RC3H2: variants seen among roughly 807,000 people sequenced by gnomAD.
RC3H2 encodes the protein roquin-2.
RC3H2 carries 31 observed loss-of-function variants against 133.3 expected under a neutral mutation model. The observed-to-expected ratio is 0.23, with a 90% CI of 0.17 to 0.31. The LOEUF (loss-of-function observed/expected upper bound fraction) is 0.31, where lower values mean the gene tolerates loss of function less well. Among genes scored for constraint, RC3H2 ranks in the 10% least tolerant of loss-of-function variants. RC3H2 has a pLI of 1.00. For missense variants in RC3H2, 1,175 were observed against 1,437.2 expected, an observed-to-expected ratio of 0.82 and a Z score of 2.95; for synonymous variants, 517 against 502.2, an observed-to-expected ratio of 1.03 and a Z score of -0.40.
chr9:122,892,573 G>A (rs1054580206), intron 3 of RC3H2, among the ~76,000 whole-genome samples: 3 of 152,008 alleles, frequency 2.0e-5, no homozygotes, highest in Non-Finnish European at 4.4e-5. Context: ...CAAGACGCCC[G>A]GCTAATTTTT....
rs1831529892 is a variant in RC3H2 at position 122,879,879 on chromosome 9, A to G, written c.1094-6T>C. The G allele has an allele frequency of 3.1e-6, 5 of 1,613,688 alleles. No homozygotes were observed. The highest frequency in any genetic ancestry group is 1.3e-5 in the African/African-American group (1 of 75,056). ...CCAAGTTGGTGAAACAGCGTCTAAA[A>G]TAAGCCACCAAGGGCATGGGGGTTG... On this transcript the variant is annotated splice_region_variant and splice_polypyrimidine_tract_variant and intron_variant, in intron 7 of 20. Coordinates refer to ENST00000357244, the MANE Select transcript of RC3H2 (RefSeq NM_001100588.3).
At chr9:122,868,551 G>A (rs368137870) in intron 9 of RC3H2, among the ~76,000 whole-genome samples, 2,375 of 151,670 alleles carry the variant, frequency 0.016, 33 homozygotes, top group South Asian at 0.064. Flanking sequence ...CAGCATGCTC[G>A]TTAAGAGTCA....
Position 122,851,449 on chromosome 9 carries a change from C to A in RC3H2, c.3118-13G>T, listed in dbSNP as rs772410976. On this transcript the variant is annotated splice_polypyrimidine_tract_variant and intron_variant, in intron 18 of 20. Coordinates refer to ENST00000357244, the MANE Select transcript of RC3H2 (RefSeq NM_001100588.3). ...AATCACTCTGTAACTAAGAAAAATA[C>A]TGATTTTGCTCTCCCTCTCCCTCTC... 1.2e-6 allele frequency: 2 copies of A among 1,613,006 alleles called. No individual in the cohort carries two copies. Among genetic ancestry groups the A allele is most frequent in the Admixed American group, 3.3e-5 (2 of 59,974 alleles).
intron 9 of RC3H2, among the ~76,000 whole-genome samples, chr9:122,866,817 C>T (rs1227100727): frequency 2.6e-5 from 4 of 152,060 alleles, no homozygotes; most frequent in Non-Finnish European, 5.9e-5. Context: ...AGCCTATGCC[C>T]GGCCGCCACC....
rs1832809027 is a variant in RC3H2 at position 122,905,359 on chromosome 9, T to G, written c.-317A>C. 4 of 914,916 alleles carry G rather than the reference T, an allele frequency of 4.4e-6. No individual in the cohort carries two copies. The highest frequency in any genetic ancestry group is 5.2e-6 in the Non-Finnish European group (4 of 765,540). The allele number at this position is 914,916 out of a possible 1,614,324, so 56.7% of individuals were successfully genotyped here. A position where few individuals can be genotyped will look rare whatever the true frequency, so the allele number is the denominator to read the frequency against. ...CACCACGGAGGCGGACCTGGAGGGA[T>G]CCCGATCTAGCTCTCGCGAGAAGTT... On this transcript the variant is annotated 5_prime_UTR_variant, in exon 1 of 21. Coordinates refer to ENST00000357244, the MANE Select transcript of RC3H2 (RefSeq NM_001100588.3).
intron 10 of RC3H2, among the ~76,000 whole-genome samples, chr9:122,862,707 C>T (rs1830504324): frequency 6.6e-6 from 1 of 151,998 alleles, no homozygotes; most frequent in Non-Finnish European, 1.5e-5. Flanking sequence ...CCAGTCTGGC[C>T]AACATGGCGA....
intron 1 of RC3H2, among the ~76,000 whole-genome samples, chr9:122,902,321 T>C (rs570060721): frequency 6.6e-6 from 1 of 152,342 alleles, no homozygotes; most frequent in South Asian, 2.1e-4. Context: ...TATCAAATCA[T>C]AGCCAATGGA....
rs564210149 is a variant in RC3H2, at chr9:122,905,231, A to G, written c.-189T>C. On this transcript the variant is annotated 5_prime_UTR_variant, in exon 1 of 21. Transcript: ENST00000357244. ...CTCGGCGGAGGTTTCACGACCTCAAACTCCATCGGGAGCTACAGGGACAGC... is the reference window on the plus strand; with the variant it reads ...CTCGGCGGAGGTTTCACGACCTCAAGCTCCATCGGGAGCTACAGGGACAGC... 225 of 985,466 alleles carry G rather than the reference A, an allele frequency of 2.3e-4. 1 individual carries two copies. In the African/African-American group the frequency reaches 3.6e-3, roughly 16 times the overall value. The allele number at this position is 985,466 out of a possible 1,614,324, so 61.0% of individuals were successfully genotyped here. A position where few individuals can be genotyped will look rare whatever the true frequency, so the allele number is the denominator to read the frequency against.
intron 4 of RC3H2, among the ~76,000 whole-genome samples, chr9:122,885,302 A>T (rs1346059107): frequency 6.6e-6 from 1 of 152,244 alleles, no homozygotes; most frequent in Non-Finnish European, 1.5e-5. Flanking sequence ...GAATGTCGGT[A>T]AAGAATATAT....
At chr9:122,854,390 A>C (rs1004114909) in intron 16 of RC3H2, 124 bp from the exon 17 acceptor site, 5 of 1,177,756 alleles carry the variant, frequency 4.2e-6, no homozygotes, top group Non-Finnish European at 4.9e-6. Context: ...CCAAATTTAA[A>C]TGCAAATATT....
At chr9:122,877,357 T>C (rs1213291950) in intron 9 of RC3H2, 114 bp downstream of exon 9, 6 of 775,148 alleles carry the variant, frequency 7.7e-6, no homozygotes, top group Non-Finnish European at 1.1e-5. Context: ...TGAGCTATGG[T>C]GCCCAGCCCT....
rs1027845725 is a variant in RC3H2 at position 122,851,145 on chromosome 9, G to A, written c.3316C>T (p.Gln1106Ter). The A allele has an allele frequency of 1.2e-6, 2 of 1,614,030 alleles. No individual in the cohort carries two copies. Among genetic ancestry groups the A allele is most frequent in the African/African-American group, 1.3e-5 (1 of 74,918 alleles). Residue 1106 changes from glutamine to a stop codon, truncating the protein, a stop_gained, in exon 20 of 21, where the codon CAG becomes TAG. Coordinates refer to ENST00000357244, the MANE Select transcript of RC3H2 (RefSeq NM_001100588.3). LOFTEE classifies it high-confidence loss of function. ...TTTGGTGGCTCCTTTTGGTGCTGCT[G>A]TACTGGATGCCCATTTTCCACTGCC... ...GMAVENGHPV[Q>*]QHQKEPPKQK... is the part of the protein sequence containing the mutation.
At chr9:122,901,800 A>T (rs1348640949) in intron 1 of RC3H2, among the ~76,000 whole-genome samples, 1 of 151,838 alleles carries the variant, frequency 6.6e-6, no homozygotes, top group East Asian at 1.9e-4. Flanking sequence ...CCTGTGGGTC[A>T]GGCTGATCTC....
At position 122,879,799 on chromosome 9, in the gene RC3H2, C is replaced by T; in HGVS notation, c.1168G>A (p.Asp390Asn). Reference protein sequence around the residue: ...AVKTVVHGLVDFIQNYSRKGH... With the variant: ...AVKTVVHGLVNFIQNYSRKGH... ...TTTCTACTATAATTTTGTATGAAGT[C>T]CACAAGGCCATGAACTACTGTTTTA... is the stretch of plus-strand genomic sequence containing the variant. Residue 390 changes from aspartate to asparagine, a missense_variant, in exon 8 of 21, where the codon GAC becomes AAC. Asp to Asn is a conservative substitution (Grantham distance 23). Transcript: ENST00000357244. The T allele has an allele frequency of 6.2e-7, 1 of 1,613,876 alleles. No homozygotes were observed. The highest frequency in any genetic ancestry group is 8.5e-7 in the Non-Finnish European group (1 of 1,179,926).
chr9:122,893,450 C>T (rs1461935038), intron 2 of RC3H2, among the ~76,000 whole-genome samples: 1 of 152,100 alleles, frequency 6.6e-6, no homozygotes, highest in African/African-American at 2.4e-5. Context: ...GCTGAGATCG[C>T]ACCAGTGCAC....
chr9:122,853,107 T>C (rs921836226), intron 18 of RC3H2, among the ~76,000 whole-genome samples: 5 of 152,068 alleles, frequency 3.3e-5, no homozygotes, highest in African/African-American at 1.2e-4. Flanking sequence ...CTCTGAAACA[T>C]GTGCTGTGTC....
At chr9:122,874,888 C>T in intron 9 of RC3H2, 1 of 295,434 alleles carries the variant, frequency 3.4e-6, no homozygotes, top group Non-Finnish European at 6.3e-6. Flanking sequence ...GAACTAGGTA[C>T]TGCAGATGAA....
At position 122,849,757 on chromosome 9, in the gene RC3H2, C is replaced by T. The variant is rs1829949350; in HGVS notation, c.3446G>A (p.Ser1149Asn). 1 of 1,607,022 alleles carries T rather than the reference C, an allele frequency of 6.2e-7. No individual in the cohort carries two copies. The highest frequency in any genetic ancestry group is 2.3e-5 in the East Asian group (1 of 44,380). Residue 1149 changes from serine to asparagine, a missense_variant, in exon 21 of 21, where the codon AGC becomes AAC. This residue lies in a region of RC3H2 where 220 missense variants were observed against 201.1 expected (regional missense o/e 1.09). Transcript: ENST00000357244. ...CFSQPLPVSI[S>N]NASCLPITTS... The stretch of plus-strand genomic sequence containing the variant: ...GGTGATGGGGAGGCAACTTGCATTG[C>T]TAATAGACACTGGGAGTGGCTGGCT...
intron 9 of RC3H2, among the ~76,000 whole-genome samples, chr9:122,866,426 C>G (rs2131411115): frequency 6.9e-6 from 1 of 145,166 alleles, no homozygotes; most frequent in East Asian, 2.1e-4. Context: ...CCCTCTCCCT[C>G]TCTTTCCACG....
Sources: gnomAD v4.1 joint callset for allele counts (sites outside exome capture counted in the v4.1 genomes callset) on GRCh38, gnomAD v4.1.1 for gene constraint, gnomAD v4.1.1 regional missense constraint, MANE v1.5 for transcripts, NCBI Gene and HGNC (gene_info 2026-07-23, HGNC 2026-07-21) for gene names.